FAM163B: variants seen among roughly 807,000 people sequenced by gnomAD.
The protein encoded by FAM163B is protein FAM163B.
FAM163B carries 4 observed loss-of-function variants against 7.6 expected under a neutral mutation model. The observed-to-expected ratio is 0.52, with a 90% CI of 0.26 to 1.20. The LOEUF (loss-of-function observed/expected upper bound fraction) is 1.20, where lower values mean the gene tolerates loss of function less well. Among genes scored for constraint, FAM163B ranks in the 50% most tolerant of loss-of-function variants. The pLI is 0.14. For synonymous variants in FAM163B, 120 were observed against 111.6 expected, an observed-to-expected ratio of 1.07 and a Z score of -0.47; for missense variants, 250 against 243.0, an observed-to-expected ratio of 1.03 and a Z score of -0.19.
In FAM163B at chr9:133,579,163, G is replaced by GCGCTC; in HGVS notation, c.355_359dup (p.Val121SerfsTer8). On this transcript the variant is annotated frameshift_variant, in exon 3 of 3. Coordinates refer to ENST00000673969, the MANE Select transcript of FAM163B (RefSeq NM_001080515.3). LOFTEE classifies it high-confidence loss of function. ...CCTGGCTCACGCTCTTGTAGAGCAC[G>GCGCTC]CGCTCCCCGCCGTTCAGCACGTCCT... is the stretch of plus-strand genomic sequence containing the variant. 6.2e-7 allele frequency: 1 copy of GCGCTC among 1,610,570 alleles called. No homozygotes were observed. Among genetic ancestry groups the GCGCTC allele is most frequent in the Non-Finnish European group, 8.5e-7 (1 of 1,179,792 alleles).
At position 133,578,962 on chromosome 9, in the gene FAM163B, A is replaced by G; in HGVS notation, c.*60T>C. 1.4e-6 allele frequency: 2 copies of G among 1,444,184 alleles called. No individual in the cohort carries two copies. Among genetic ancestry groups the G allele is most frequent in the Non-Finnish European group, 1.8e-6 (2 of 1,100,522 alleles). 89.5% of individuals were successfully genotyped at this position (1,444,184 alleles called of 1,614,324 possible). ...GGGCCTGGGGCCAGGTGGGTGTGCCAAAGGAATCCCCCCATTGTCTCAGGA... is the reference window on the plus strand; with the variant it reads ...GGGCCTGGGGCCAGGTGGGTGTGCCGAAGGAATCCCCCCATTGTCTCAGGA... On this transcript the variant is annotated 3_prime_UTR_variant, in exon 3 of 3. Coordinates refer to ENST00000673969, the MANE Select transcript of FAM163B (RefSeq NM_001080515.3).
At position 133,609,251 on chromosome 9, in the gene FAM163B, G is replaced by A. The variant is rs1239856969; in HGVS notation, c.-198C>T. 2.0e-5 allele frequency among the ~76,000 whole-genome samples: 3 copies of A among 150,854 alleles called. No homozygotes were observed. Among genetic ancestry groups the A allele is most frequent in the Non-Finnish European group, 3.0e-5 (2 of 67,548 alleles). On this transcript the variant is annotated 5_prime_UTR_variant, in exon 1 of 3. Transcript: ENST00000673969. ...AGGCGGGCGCTGAGAAGCCCGGGAGGCCCCCGGGGAGGCGACTGCGTGCCC... is the reference window on the plus strand; with the variant it reads ...AGGCGGGCGCTGAGAAGCCCGGGAGACCCCCGGGGAGGCGACTGCGTGCCC...
At position 133,601,389 on chromosome 9, in the gene FAM163B, G is replaced by GT. The variant is rs1442758105; in HGVS notation, c.-24+7687dup. On this transcript the variant is annotated intron_variant, in intron 1 of 2. Transcript: ENST00000673969. This position sits in a 1 kb window ranked among gnomAD's most constrained non-coding sequence, Gnocchi z 4.1. ...ATTGGGCTCAGCCATTTTTAAACGA[G>GT]TGGAGGTGTGCTGTTGAAAGGGTCT... is the stretch of plus-strand genomic sequence containing the variant. Among the ~76,000 whole-genome samples the GT allele has an allele frequency of 6.6e-6, 1 of 152,244 alleles. No homozygotes were observed. The highest frequency in any genetic ancestry group is 1.5e-5 in the Non-Finnish European group (1 of 68,050).
At chr9:133,595,168 C>T (rs1041678250) in intron 1 of FAM163B, among the ~76,000 whole-genome samples, 11 of 152,148 alleles carry the variant, frequency 7.2e-5, no homozygotes, top group South Asian at 2.1e-4. Context: ...GTTTTTGAGA[C>T]GGAGTCTCCC....
intron 1 of FAM163B, among the ~76,000 whole-genome samples, chr9:133,591,359 A>T (rs534750445): frequency 8.2e-4 from 125 of 152,274 alleles, no homozygotes; most frequent in Non-Finnish European, 1.0e-3. Context: ...GGCACTGGCC[A>T]CCTGGGTGTC....
chr9:133,583,668 C>T (rs1034173307), intron 1 of FAM163B, among the ~76,000 whole-genome samples: 10 of 152,204 alleles, frequency 6.6e-5, no homozygotes, highest in Admixed American at 2.0e-4. Context: ...TCCCTGGCTC[C>T]GCCTGGCTGC....
At position 133,606,379 on chromosome 9, in the gene FAM163B, G is replaced by A. The variant is rs7022829; in HGVS notation, c.-24+2698C>T. On this transcript the variant is annotated intron_variant, in intron 1 of 2. Coordinates refer to ENST00000673969, the MANE Select transcript of FAM163B (RefSeq NM_001080515.3). The surrounding 1 kb of genome is among the most constrained non-coding windows in gnomAD (Gnocchi z 4.0). Reference sequence around the variant, plus strand: ...AACTCATCAAATCCCCTCTGGAGCAGATCCAGAAAGACTGAGACACTGCAA... The same window carrying A: ...AACTCATCAAATCCCCTCTGGAGCAAATCCAGAAAGACTGAGACACTGCAA... 0.066 allele frequency among the ~76,000 whole-genome samples: 10,095 copies of A among 152,254 alleles called. 346 individuals carry two copies. Among genetic ancestry groups the A allele is most frequent in the Middle Eastern group, 0.12 (34 of 294 alleles).
At chr9:133,592,619 C>T (rs1831571370) in intron 1 of FAM163B, among the ~76,000 whole-genome samples, 1 of 152,220 alleles carries the variant, frequency 6.6e-6, no homozygotes, top group African/African-American at 2.4e-5. Context: ...CTCGCAGCCA[C>T]TCTCCTTGCC....
intron 2 of FAM163B, among the ~76,000 whole-genome samples, chr9:133,579,656 C>G (rs1006403978): frequency 1.3e-5 from 2 of 152,376 alleles, no homozygotes; most frequent in Admixed American, 6.5e-5. Context: ...CGCCCAGCAA[C>G]GTGCAGGTGT....
At chr9:133,592,217 A>G (rs1288566018) in intron 1 of FAM163B, among the ~76,000 whole-genome samples, 1 of 152,028 alleles carries the variant, frequency 6.6e-6, no homozygotes, top group Non-Finnish European at 1.5e-5. Flanking sequence ...GCTGAGGCGG[A>G]GCCCCTGGGA....
At chr9:133,584,274 T>C (rs1466271818) in intron 1 of FAM163B, among the ~76,000 whole-genome samples, 1 of 152,130 alleles carries the variant, frequency 6.6e-6, no homozygotes, top group Non-Finnish European at 1.5e-5. Flanking sequence ...AGGACTCTAC[T>C]CAGCTGTGGC....
intron 1 of FAM163B, among the ~76,000 whole-genome samples, chr9:133,580,775 A>G (rs11515895): frequency 0.2 from 30,397 of 152,102 alleles, 3,149 homozygotes; most frequent in Non-Finnish European, 0.22. Context: ...TAAAATGCTT[A>G]ATTGTGGTAA....
chr9:133,594,346 T>C (rs979394877), intron 1 of FAM163B, among the ~76,000 whole-genome samples: 3 of 152,208 alleles, frequency 2.0e-5, no homozygotes, highest in African/African-American at 7.2e-5. Flanking sequence ...CCTTTAGACT[T>C]GTCTGGGTAA....
At chr9:133,604,891 T>A (rs1457298748) in intron 1 of FAM163B, among the ~76,000 whole-genome samples, 1 of 152,204 alleles carries the variant, frequency 6.6e-6, no homozygotes, top group Non-Finnish European at 1.5e-5. Flanking sequence ...AGGACGGTTC[T>A]CCAGAGACCC....
At chr9:133,595,103 T>C (rs1042801713) in intron 1 of FAM163B, among the ~76,000 whole-genome samples, 1 of 152,196 alleles carries the variant, frequency 6.6e-6, no homozygotes, top group Non-Finnish European at 1.5e-5. Flanking sequence ...TTAACGTGCA[T>C]CGAGTAGCCT....
chr9:133,582,719 T>C (rs1831374330), intron 1 of FAM163B, among the ~76,000 whole-genome samples: 1 of 152,198 alleles, frequency 6.6e-6, no homozygotes, highest in African/African-American at 2.4e-5. Context: ...GGGATGGACG[T>C]GCACCCCAGG....
chr9:133,598,155 G>A (rs555897393), intron 1 of FAM163B, among the ~76,000 whole-genome samples: 26 of 152,020 alleles, frequency 1.7e-4, no homozygotes, highest in Non-Finnish European at 2.6e-4. Context: ...GGAGCCAGGC[G>A]GCGGGAGGTA....
At position 133,579,006 on chromosome 9, in the gene FAM163B, C is replaced by T. The variant is rs1017285546; in HGVS notation, c.*16G>A. The T allele has an allele frequency of 1.2e-5, 18 of 1,486,406 alleles. No individual in the cohort carries two copies. The highest frequency in any genetic ancestry group is 2.5e-4 in the Middle Eastern group (1 of 4,044). 92.1% of individuals were successfully genotyped at this position (1,486,406 alleles called of 1,614,324 possible). ...CTCAGGACCTTCAAGGCCAGGATCC[C>T]GGGGGCGGGCCCAGGTCACACGTCG... is the stretch of plus-strand genomic sequence containing the variant. On this transcript the variant is annotated 3_prime_UTR_variant, in exon 3 of 3. Coordinates refer to ENST00000673969, the MANE Select transcript of FAM163B (RefSeq NM_001080515.3).
At chr9:133,598,883 C>T (rs984002154) in intron 1 of FAM163B, among the ~76,000 whole-genome samples, 5 of 152,054 alleles carry the variant, frequency 3.3e-5, no homozygotes, top group African/African-American at 1.2e-4. Context: ...GGGCTCCTTT[C>T]AGTGGCCCCT....
Sources: gnomAD v4.1 joint callset for allele counts (sites outside exome capture counted in the v4.1 genomes callset) on GRCh38, gnomAD v4.1.1 for gene constraint, Gnocchi (gnomAD v3.1) non-coding constraint, MANE v1.5 for transcripts, NCBI Gene and HGNC (gene_info 2026-07-23, HGNC 2026-07-21) for gene names.